Variants in NUP58 observed in about 807,000 individuals in gnomAD.
NUP58 encodes nucleoporin 58.
Under a neutral mutation model 70.1 loss-of-function variants are expected in NUP58, and 17 were observed. The ratio of observed to expected loss-of-function variants is 0.24; its 90% confidence interval spans 0.17 to 0.36. The LOEUF is 0.36. Ranked by LOEUF, NUP58 falls within the 10% of genes least tolerant of loss-of-function variation. The pLI, the probability that NUP58 is intolerant of heterozygous loss-of-function variation, is 1.00. For synonymous variants in NUP58, 275 were observed against 257.6 expected (o/e 1.07, Z -0.65); for missense variants, 644 against 701.5 (o/e 0.92, Z 0.93).
At position 25,338,746 on chromosome 13, in the gene NUP58, G is replaced by A; in HGVS notation, c.1630+15G>A. 6.3e-7 allele frequency: 1 copy of A among 1,594,852 alleles called. No homozygotes were observed. The highest frequency in any genetic ancestry group is 1.1e-5 in the South Asian group (1 of 90,186). ...TCTTAGTGCAGGTTTGTGTGTTTCT[G>A]CCTGGATTTCAGGCAAATTTAAAGG... On this transcript the variant is annotated intron_variant, in intron 15 of 15. Coordinates refer to ENST00000381736, the MANE Select transcript of NUP58 (RefSeq NM_014089.4).
intron 1 of NUP58, 90 bp from the exon 2 acceptor site, chr13:25,307,716 T>G (rs2030441312): frequency 8.0e-7 from 1 of 1,246,976 alleles, no homozygotes; most frequent in Admixed American, 2.2e-5. Context: ...CTTGAAGAGT[T>G]AATTTTTATT....
chr13:25,337,483 A>G (rs963356831), intron 14 of NUP58, among the ~76,000 whole-genome samples: 4 of 152,162 alleles, frequency 2.6e-5, no homozygotes, highest in African/African-American at 9.7e-5. Context: ...ACTCATGTCC[A>G]TTTCTAAGCA....
chr13:25,336,934 A>G lies in NUP58; in HGVS notation c.1436-2A>G. ...CCCATTTTTTTTTTTTTTTTATACCAGGGCCACAGCCATCTCTGGGAGTTA... is the reference window on the plus strand; with the variant it reads ...CCCATTTTTTTTTTTTTTTTATACCGGGGCCACAGCCATCTCTGGGAGTTA... On this transcript the variant is annotated splice_acceptor_variant, in intron 13 of 15. Coordinates refer to ENST00000381736, the MANE Select transcript of NUP58 (RefSeq NM_014089.4). LOFTEE classifies it high-confidence loss of function. The G allele has an allele frequency of 1.9e-6, 3 of 1,540,890 alleles. No individual in the cohort carries two copies. The highest frequency in any genetic ancestry group is 2.2e-5 in the Admixed American group (1 of 45,170).
At chr13:25,337,154 C>T in intron 14 of NUP58, 120 bp downstream of exon 14, 1 of 504,364 alleles carries the variant, frequency 2.0e-6, no homozygotes. Flanking sequence ...TTCCATCTGG[C>T]AAAAATGATT....
chr13:25,319,440 C>A, intron 7 of NUP58, 90 bp downstream of exon 7: 1 of 1,244,526 alleles, frequency 8.0e-7, no homozygotes, highest in Non-Finnish European at 1.2e-6. Context: ...AAGTAAATAT[C>A]ATATACATTT....
rs769818420 is a variant in NUP58 at position 25,313,005 on chromosome 13, T to G, written c.409T>G (p.Ser137Ala). The change falls in exon 4 of 16, where the codon TCG becomes GCG. Residue 137 changes from serine (S) to alanine (A), a missense_variant. Ser to Ala is a moderately conservative substitution (Grantham distance 99). Coordinates refer to ENST00000381736, the MANE Select transcript of NUP58 (RefSeq NM_014089.4). ...TSTSASGLTLSSALTSTPAAS... is the reference protein window; with the variant it reads ...TSTSASGLTLASALTSTPAAS... ...TACCTCAGCTAGCGGTCTGACTCTT[T>G]CGTCTGCTCTGACATCAACTCCAGC... The G allele has an allele frequency of 6.2e-7, 1 of 1,614,078 alleles. No homozygotes were observed. The highest frequency in any genetic ancestry group is 1.7e-5 in the Admixed American group (1 of 60,000).
chr13:25,304,405 A>T (rs1566054206), intron 1 of NUP58, among the ~76,000 whole-genome samples: 1 of 142,838 alleles, frequency 7.0e-6, no homozygotes, highest in East Asian at 2.1e-4. Flanking sequence ...TTTCATTTTG[A>T]TGTGTTTCTT....
At chr13:25,305,143 T>TTTGTTTG (rs1555253616) in intron 1 of NUP58, among the ~76,000 whole-genome samples, 3 of 10,306 alleles carry the variant, frequency 2.9e-4, no homozygotes, top group Admixed American at 2.2e-3. Flanking sequence ...TTTTTTTTTT[T>TTTGTTTG]TTTTTTTTTT....
intron 4 of NUP58, 135 bp from the exon 5 acceptor site, chr13:25,313,479 A>C: frequency 1.3e-6 from 1 of 761,556 alleles, no homozygotes; most frequent in Non-Finnish European, 2.0e-6. Context: ...TTAAGTATGT[A>C]ATTTTTAGCA....
At chr13:25,326,765 T>C (rs1343719258) in intron 10 of NUP58, 151 bp from the exon 11 acceptor site, 2 of 436,326 alleles carry the variant, frequency 4.6e-6, no homozygotes, top group Non-Finnish European at 8.2e-6. Flanking sequence ...CTCCTTAATA[T>C]CTTCCAGTCA....
intron 10 of NUP58, among the ~76,000 whole-genome samples, chr13:25,325,476 T>C (rs1468278613): frequency 5.9e-5 from 9 of 152,334 alleles, no homozygotes; most frequent in Admixed American, 3.3e-4. Flanking sequence ...TCAGCTTGTA[T>C]ATATACATTT....
chr13:25,316,061 G>T (rs1333943559), intron 6 of NUP58, among the ~76,000 whole-genome samples: 4 of 151,990 alleles, frequency 2.6e-5, no homozygotes, highest in African/African-American at 9.7e-5. Context: ...TATATTTTTG[G>T]TTATTTCTTA....
At chr13:25,305,151 T>TTGTTTG (rs1566055120) in intron 1 of NUP58, among the ~76,000 whole-genome samples, 5 of 114,512 alleles carry the variant, frequency 4.4e-5, no homozygotes, top group South Asian at 3.6e-4. Flanking sequence ...TTTTTTTTTT[T>TTGTTTG]TTTTTTTTTT....
At chr13:25,310,426 G>C (rs2030603958) in intron 3 of NUP58, among the ~76,000 whole-genome samples, 1 of 150,974 alleles carries the variant, frequency 6.6e-6, no homozygotes, top group Non-Finnish European at 1.5e-5. Flanking sequence ...CTCCATGTTG[G>C]TCAGGCTGGT....
At chr13:25,332,668 TA>T in intron 13 of NUP58, 1 of 985,464 alleles carries the variant, frequency 1.0e-6, no homozygotes, top group Admixed American at 6.1e-5. Flanking sequence ...TTGCCATAAG[TA>T]AAGGGTTGAT....
intron 3 of NUP58, 108 bp from the exon 4 acceptor site, chr13:25,312,775 G>T: frequency 9.7e-7 from 1 of 1,035,638 alleles, no homozygotes; most frequent in South Asian, 1.6e-5. Context: ...TTGGCAAAAG[G>T]TAGTATCATG....
intron 3 of NUP58, among the ~76,000 whole-genome samples, chr13:25,349,338 T>A (rs1566077554): frequency 6.6e-6 from 1 of 152,186 alleles, no homozygotes; most frequent in Non-Finnish European, 1.5e-5. Context: ...GCTACTAGGG[T>A]TAGAATCTCA....
intron 7 of NUP58, 105 bp from the exon 8 acceptor site, chr13:25,320,425 T>C (rs928418637): frequency 7.1e-6 from 5 of 700,568 alleles, no homozygotes; most frequent in Non-Finnish European, 1.2e-5. Flanking sequence ...ACGTGCTTTT[T>C]TGCTATATTT....
intron 3 of NUP58, 100 bp downstream of exon 3, chr13:25,309,382 G>C (rs966505612): frequency 1.1e-6 from 1 of 912,246 alleles, no homozygotes; most frequent in African/African-American, 1.7e-5. Context: ...ATTTCACAGA[G>C]CTGGAGTATA....
Sources: gnomAD v4.1 joint callset for allele counts (sites outside exome capture counted in the v4.1 genomes callset) on GRCh38, gnomAD v4.1.1 for gene constraint, MANE v1.5 for transcripts, NCBI Gene and HGNC (gene_info 2026-07-23, HGNC 2026-07-21) for gene names.